ARIH2: variants seen among roughly 807,000 people sequenced by gnomAD.
The protein encoded by ARIH2 is E3 ubiquitin-protein ligase ARIH2.
In ARIH2, 12 loss-of-function variants were observed where a neutral mutation model predicts 79.8. That is an observed-to-expected ratio of 0.15 (90% CI 0.10 to 0.24). The LOEUF is 0.24. Among genes scored for constraint, ARIH2 ranks in the 10% least tolerant of loss-of-function variants. The pLI is 1.00. For missense variants in ARIH2, 301 were observed against 618.3 expected, an observed-to-expected ratio of 0.49 and a Z score of 5.44; for synonymous variants, 224 against 213.9, an observed-to-expected ratio of 1.05 and a Z score of -0.41.
intron 3 of ARIH2, 59 bp from the exon 4 acceptor site, chr3:48,961,553 C>T (rs1201649911): frequency 2.3e-5 from 26 of 1,114,714 alleles, no homozygotes; most frequent in African/African-American, 6.1e-5. Flanking sequence ...TCTCAAAATG[C>T]GAAACACTTT....
intron 3 of ARIH2, among the ~76,000 whole-genome samples, chr3:48,941,566 A>G (rs934700368): frequency 6.7e-6 from 1 of 149,630 alleles, no homozygotes; most frequent in Non-Finnish European, 1.5e-5. Flanking sequence ...TTTATGTTTT[A>G]TGAACTATTG....
At position 48,971,338 on chromosome 3, in the gene ARIH2, A is replaced by G. The variant is rs555143683; in HGVS notation, c.770+634A>G. Among the ~76,000 whole-genome samples the G allele has an allele frequency of 4.2e-3, 642 of 152,264 alleles. 3 individuals carry two copies. Among genetic ancestry groups the G allele is most frequent in the African/African-American group, 0.015 (626 of 41,544 alleles). On this transcript the variant is annotated intron_variant, in intron 8 of 15. Coordinates refer to ENST00000356401, the MANE Select transcript of ARIH2 (RefSeq NM_006321.4). Reference sequence around the variant, plus strand: ...TGGCTCACCACAACCTCCGCCTTCCAGGTTCAAGTGATTCTCCTGCCTCAG... The same window carrying G: ...TGGCTCACCACAACCTCCGCCTTCCGGGTTCAAGTGATTCTCCTGCCTCAG...
intron 4 of ARIH2, among the ~76,000 whole-genome samples, chr3:48,962,166 C>T (rs2091342694): frequency 6.6e-6 from 1 of 152,024 alleles, no homozygotes; most frequent in Admixed American, 6.6e-5. Context: ...CACCTGAGGT[C>T]AGGAGTTTGA....
chr3:48,959,848 A>G (rs776993391), intron 3 of ARIH2, among the ~76,000 whole-genome samples: 2 of 152,138 alleles, frequency 1.3e-5, no homozygotes, highest in Non-Finnish European at 2.9e-5. Flanking sequence ...TTTGACACTC[A>G]TTATATGCTG....
intron 3 of ARIH2, among the ~76,000 whole-genome samples, chr3:48,960,098 C>T (rs1173727806): frequency 6.6e-6 from 1 of 152,220 alleles, no homozygotes; most frequent in East Asian, 1.9e-4. Flanking sequence ...TTCCTACTTT[C>T]TCCTTGCTTT....
At chr3:48,945,188 G>A in intron 3 of ARIH2, 1 of 1,289,770 alleles carries the variant, frequency 7.8e-7, no homozygotes, top group Non-Finnish European at 1.0e-6. Flanking sequence ...ACTGGTAAGT[G>A]TGGGAAGGGC....
intron 13 of ARIH2, 49 bp from the exon 14 acceptor site, chr3:48,981,611 G>T (rs751176394): frequency 2.0e-6 from 3 of 1,519,846 alleles, no homozygotes; most frequent in African/African-American, 2.8e-5. Context: ...TGAGATGCAG[G>T]TAGCTTAGAA....
At chr3:48,928,825 AGTT>A (rs1339369144) in intron 3 of ARIH2, among the ~76,000 whole-genome samples, 1 of 151,930 alleles carries the variant, frequency 6.6e-6, no homozygotes, top group Non-Finnish European at 1.5e-5. Context: ...CTGAAAGCTA[AGTT>A]GTTTTTTTTT....
intron 3 of ARIH2, among the ~76,000 whole-genome samples, chr3:48,939,680 C>G (rs566526451): frequency 6.8e-6 from 1 of 148,138 alleles, no homozygotes; most frequent in Non-Finnish European, 1.5e-5. Flanking sequence ...ATGGCGTGAA[C>G]CTGGGAGGAG....
At chr3:48,933,812 A>G (rs890906944) in intron 3 of ARIH2, among the ~76,000 whole-genome samples, 3 of 151,604 alleles carry the variant, frequency 2.0e-5, no homozygotes, top group Non-Finnish European at 4.4e-5. Context: ...CAGCCTCCCA[A>G]CGTGCTGGGA....
chr3:48,938,911 A>G (rs11718159), intron 3 of ARIH2, among the ~76,000 whole-genome samples: 2 of 83,140 alleles, frequency 2.4e-5, no homozygotes, highest in African/African-American at 1.0e-4. Flanking sequence ...GGGTCTTTAG[A>G]CCAAAAAAAA....
intron 11 of ARIH2, among the ~76,000 whole-genome samples, chr3:48,978,749 TG>T (rs1332138890): frequency 1.3e-5 from 2 of 151,352 alleles, no homozygotes; most frequent in Non-Finnish European, 2.9e-5. Context: ...CACTGAACAC[TG>T]GGGGTTCTCG....
At position 48,968,643 on chromosome 3, in the gene ARIH2, G is replaced by A. The variant is rs749512525; in HGVS notation, c.648G>A (p.Arg216=). 10 of 1,609,070 alleles carry A rather than the reference G, an allele frequency of 6.2e-6. No individual in the cohort carries two copies. The highest frequency in any genetic ancestry group is 3.3e-5 in the Admixed American group (2 of 59,856). ...AGAAATACAGGCGCTACCTCTTCAG[G>A]GACTATGTGGAGGTATGGCCAGCCT... is the stretch of plus-strand genomic sequence containing the variant. The part of the protein sequence containing the change: ...LREKYRRYLF[R]DYVESHYQLQ... Residue 216 remains arginine (R), a synonymous_variant, in exon 7 of 16, where the codon AGG becomes AGA. Transcript: ENST00000356401.
rs933769315 is a variant in ARIH2, at chr3:48,980,301, T to A, written c.1114-52T>A. ...TCTATCCTGAACTCCTGTGTAGACC[T>A]CTGCACCTTCATGGGACTCCTGTGG... On this transcript the variant is annotated intron_variant, in intron 12 of 15. Coordinates refer to ENST00000356401, the MANE Select transcript of ARIH2 (RefSeq NM_006321.4). The A allele has an allele frequency of 2.5e-6, 4 of 1,596,886 alleles. No individual in the cohort carries two copies. In the African/African-American group the frequency reaches 5.4e-5, roughly 21 times the overall value.
At chr3:48,924,317 G>T (rs1241834083) in intron 2 of ARIH2, among the ~76,000 whole-genome samples, 1 of 151,378 alleles carries the variant, frequency 6.6e-6, no homozygotes, top group African/African-American at 2.4e-5. Flanking sequence ...CTGTACGTGG[G>T]CCTTTTTTTT....
chr3:48,973,405 G>A (rs917964438), intron 8 of ARIH2, among the ~76,000 whole-genome samples: 3 of 151,910 alleles, frequency 2.0e-5, no homozygotes, highest in Admixed American at 6.6e-5. Flanking sequence ...GTGAAACCCC[G>A]TCTCTACTAA....
Position 48,983,740 on chromosome 3 carries a change from T to C in ARIH2, c.*470T>C, listed in dbSNP as rs564679823. 6.1e-6 allele frequency: 1 copy of C among 163,342 alleles called. No homozygotes were observed. The highest frequency in any genetic ancestry group is 1.7e-4 in the South Asian group (1 of 5,978). The allele number at this position is 163,342 out of a possible 1,614,324, so 10.1% of individuals were successfully genotyped here. ...CTGCCTACCCACCTCAAAATGTCTGTACTGCAAGAGGGCCCTGGGCCTCTG... is the reference window on the plus strand; with the variant it reads ...CTGCCTACCCACCTCAAAATGTCTGCACTGCAAGAGGGCCCTGGGCCTCTG... On this transcript the variant is annotated 3_prime_UTR_variant, in exon 16 of 16. Transcript: ENST00000356401.
intron 3 of ARIH2, among the ~76,000 whole-genome samples, chr3:48,947,741 G>A (rs562358744): frequency 2.6e-5 from 4 of 152,040 alleles, no homozygotes; most frequent in South Asian, 4.1e-4. Flanking sequence ...CAAACTTTCC[G>A]CCCTTTTATT....
chr3:48,954,851 T>G (rs1384958046), intron 3 of ARIH2, among the ~76,000 whole-genome samples: 2 of 152,230 alleles, frequency 1.3e-5, no homozygotes, highest in African/African-American at 4.8e-5. Context: ...CAAGAAACTT[T>G]CTAGTTTTTA....
Sources: allele counts gnomAD v4.1 joint callset (sites outside exome capture counted in the v4.1 genomes callset), GRCh38; gene constraint gnomAD v4.1.1; transcripts MANE v1.5; gene names NCBI Gene and HGNC (gene_info 2026-07-23, HGNC 2026-07-21).